The following ARB2A variants were observed in gnomAD, a reference collection of about 807,000 sequenced individuals.
The protein encoded by ARB2A is ARB2 cotranscriptional regulator A, also known as cotranscriptional regulator ARB2A.
At chr5:93,791,237 C>G in the ARB2A span, among the ~76,000 whole-genome samples, 1 of 152,168 alleles carries the variant, frequency 6.6e-6, no homozygotes, top group Non-Finnish European at 1.5e-5. Flanking sequence ...CCAGAACAGT[C>G]TTGGCTTATG....
the ARB2A span, among the ~76,000 whole-genome samples, chr5:93,627,442 TG>T: frequency 1.5e-4 from 22 of 145,852 alleles, no homozygotes; most frequent in East Asian, 9.7e-4. Flanking sequence ...AAATGTGTTT[TG>T]TTTTTTTTTT....
At chr5:93,689,791 C>G in the ARB2A span, among the ~76,000 whole-genome samples, 1 of 151,736 alleles carries the variant, frequency 6.6e-6, no homozygotes, top group African/African-American at 2.4e-5. Context: ...CTCCTGGGTT[C>G]AAGTGATTCT....
chr5:93,620,280 A>G, the ARB2A span: 1 of 152,152 alleles, frequency 6.6e-6, no homozygotes, highest in African/African-American at 2.4e-5. Flanking sequence ...AACTCTCACA[A>G]TTAGCTGGCA....
chr5:93,705,651 G>GTGTGTATA, the ARB2A span, among the ~76,000 whole-genome samples: 6 of 132,872 alleles, frequency 4.5e-5, no homozygotes, highest in African/African-American at 1.4e-4. Context: ...GTGTGTGTGT[G>GTGTGTATA]TATATATATA....
the ARB2A span, among the ~76,000 whole-genome samples, chr5:94,067,806 G>A: frequency 3.3e-5 from 5 of 151,928 alleles, no homozygotes; most frequent in Admixed American, 1.3e-4. Context: ...CACAGAAATA[G>A]AGAAAAACAA....
At chr5:94,074,673 C>T in the ARB2A span, 1 of 1,612,504 alleles carries the variant, frequency 6.2e-7, no homozygotes. Flanking sequence ...TTTTCTTTTT[C>T]ATCTGGACCT....
At chr5:93,803,491 T>A in the ARB2A span, among the ~76,000 whole-genome samples, 1 of 145,836 alleles carries the variant, frequency 6.9e-6, no homozygotes, top group Non-Finnish European at 1.5e-5. Context: ...TTCTAAAGGC[T>A]AAGATGTAAG....
At chr5:93,906,073 A>C in the ARB2A span, among the ~76,000 whole-genome samples, 7 of 151,702 alleles carry the variant, frequency 4.6e-5, no homozygotes, top group Middle Eastern at 0.01. Context: ...CTATAAAGAT[A>C]ATCAACCAAC....
chr5:93,985,902 A>C, the ARB2A span, among the ~76,000 whole-genome samples: 248 of 144,200 alleles, frequency 1.7e-3, no homozygotes, highest in African/African-American at 5.2e-3. Context: ...GGATATGAGG[A>C]GCCCCTCTGC....
the ARB2A span, among the ~76,000 whole-genome samples, chr5:93,915,607 GAAGAT>G: frequency 6.6e-6 from 1 of 152,052 alleles, no homozygotes; most frequent in Admixed American, 6.6e-5. Context: ...AAATAAAACT[GAAGAT>G]AATATAATAA....
chr5:93,644,171 T>C, the ARB2A span, among the ~76,000 whole-genome samples: 2 of 152,192 alleles, frequency 1.3e-5, no homozygotes, highest in Non-Finnish European at 2.9e-5. Context: ...TTGAAGTAGC[T>C]GAGTCCAGAT....
At chr5:93,618,092 T>C in the ARB2A span, 1 of 152,094 alleles carries the variant, frequency 6.6e-6, no homozygotes, top group Non-Finnish European at 1.5e-5. Flanking sequence ...TGTTTTTATT[T>C]TAAAATGGAA....
the ARB2A span, among the ~76,000 whole-genome samples, chr5:93,989,748 C>G: frequency 6.6e-6 from 1 of 152,056 alleles, no homozygotes; most frequent in Admixed American, 6.6e-5. Flanking sequence ...CAACAGAGCC[C>G]ATTTTTTTCT....
chr5:94,039,787 A>G, the ARB2A span, among the ~76,000 whole-genome samples: 1 of 152,102 alleles, frequency 6.6e-6, no homozygotes, highest in Non-Finnish European at 1.5e-5. Context: ...GAAACTCCCA[A>G]ACCAAAGGCT....
chr5:93,814,003 G>A, the ARB2A span, among the ~76,000 whole-genome samples: 3 of 152,198 alleles, frequency 2.0e-5, no homozygotes, highest in East Asian at 1.9e-4. Context: ...CATTAACAGC[G>A]CTTCTAAGTG....
chr5:93,913,595 A>G, the ARB2A span, among the ~76,000 whole-genome samples: 1 of 151,970 alleles, frequency 6.6e-6, no homozygotes, highest in African/African-American at 2.4e-5. Flanking sequence ...AGGATAAAAA[A>G]AAGTCTAGAT....
At chr5:93,826,688 G>T in the ARB2A span, among the ~76,000 whole-genome samples, 3 of 151,614 alleles carry the variant, frequency 2.0e-5, no homozygotes, top group African/African-American at 7.3e-5. Flanking sequence ...TTGGTGTGCT[G>T]CACTCATTAA....
the ARB2A span, among the ~76,000 whole-genome samples, chr5:93,890,032 C>G: frequency 1.3e-5 from 2 of 151,868 alleles, no homozygotes; most frequent in Non-Finnish European, 2.9e-5. Flanking sequence ...GAGTTCAAAT[C>G]TTTCATAGAA....
At chr5:94,005,685 CA>C in the ARB2A span, among the ~76,000 whole-genome samples, 5 of 152,118 alleles carry the variant, frequency 3.3e-5, no homozygotes, top group Non-Finnish European at 7.4e-5. Flanking sequence ...TTAAATTTAA[CA>C]GTAAAAACCC....
Sources: gnomAD v4.1 joint callset for allele counts (sites outside exome capture counted in the v4.1 genomes callset) on GRCh38, gnomAD v4.1.1 for gene constraint, MANE v1.5 for transcripts, NCBI Gene and HGNC (gene_info 2026-07-23, HGNC 2026-07-21) for gene names.